UAP1: variants seen among roughly 807,000 people sequenced by gnomAD.
UAP1 encodes UDP-N-acetylhexosamine pyrophosphorylase.
A neutral mutation model predicts 58.5 loss-of-function variants in UAP1; 25 were observed. The observed-to-expected ratio is 0.43, with a 90% CI of 0.31 to 0.60. UAP1 has a LOEUF of 0.60. Among genes scored for constraint, UAP1 ranks in the 20% least tolerant of loss-of-function variants. The pLI is 0.11. For missense variants in UAP1, 575 were observed against 630.0 expected (o/e 0.91, Z 0.93); for synonymous variants, 208 against 213.0 (o/e 0.98, Z 0.21).
intron 7 of UAP1, among the ~76,000 whole-genome samples, chr1:162,589,183 T>TAA (rs1655126932): frequency 4.4e-5 from 4 of 90,784 alleles, no homozygotes; most frequent in African/African-American, 1.6e-4. Context: ...ATATTATATA[T>TAA]AATATATATT....
chr1:162,598,007 G>A (rs976272259), intron 10 of UAP1, 149 bp downstream of exon 10: 5 of 661,756 alleles, frequency 7.6e-6, no homozygotes, highest in East Asian at 5.4e-5. Flanking sequence ...TTGATTATTC[G>A]ACAGTGTATA....
intron 2 of UAP1, among the ~76,000 whole-genome samples, chr1:162,574,534 A>G (rs979582580): frequency 5.3e-5 from 8 of 152,268 alleles, no homozygotes; most frequent in African/African-American, 1.9e-4. Flanking sequence ...AGTTGCCATC[A>G]CTGACTGCGT....
rs369028695 is a variant in UAP1, at chr1:162,581,467, C to T, written c.834+8C>T. The T allele has an allele frequency of 1.9e-6, 3 of 1,611,508 alleles. No homozygotes were observed. The highest frequency in any genetic ancestry group is 2.5e-6 in the Non-Finnish European group (3 of 1,178,474). On this transcript the variant is annotated splice_region_variant and intron_variant, in intron 5 of 10. Coordinates refer to ENST00000271469, the Ensembl canonical transcript of UAP1. ...GCAGACTGTGGAGCAAAGGTAATGC[C>T]TTTCTCAACTATGGTGAGGCTTTTG...
chr1:162,589,105 A>G (rs1189055841), intron 7 of UAP1, among the ~76,000 whole-genome samples: 1 of 119,264 alleles, frequency 8.4e-6, no homozygotes, highest in Non-Finnish European at 1.6e-5. Flanking sequence ...TTAAATATAT[A>G]TATTATATAT....
chr1:162,563,540 T>C (rs1653303219), intron 1 of UAP1, among the ~76,000 whole-genome samples: 1 of 152,054 alleles, frequency 6.6e-6, no homozygotes, highest in South Asian at 2.1e-4. Context: ...AATTTTTGTA[T>C]TTTTAGTGGA....
At chr1:162,582,494 T>C (rs1252613993) in intron 5 of UAP1, among the ~76,000 whole-genome samples, 2 of 152,192 alleles carry the variant, frequency 1.3e-5, no homozygotes, top group African/African-American at 2.4e-5. Flanking sequence ...TTATAAAATA[T>C]GGCATTTTGA....
intron 2 of UAP1, among the ~76,000 whole-genome samples, chr1:162,571,884 G>A (rs1324310449): frequency 6.6e-6 from 1 of 152,204 alleles, no homozygotes; most frequent in Non-Finnish European, 1.5e-5. Context: ...TTGATACTGT[G>A]AACAATAGCT....
At chr1:162,574,421 T>C (rs1654052752) in intron 2 of UAP1, among the ~76,000 whole-genome samples, 1 of 152,182 alleles carries the variant, frequency 6.6e-6, no homozygotes, top group Non-Finnish European at 1.5e-5. Flanking sequence ...GTTGTTGACC[T>C]ACTAGTGTAT....
At chr1:162,581,584 T>C in intron 5 of UAP1, 125 bp downstream of exon 5, 1 of 1,018,208 alleles carries the variant, frequency 9.8e-7, no homozygotes, top group Non-Finnish European at 1.4e-6. Context: ...CTCTCTAAAG[T>C]AACTAAACGG....
intron 10 of UAP1, among the ~76,000 whole-genome samples, chr1:162,598,725 C>T (rs1655756077): frequency 6.6e-6 from 1 of 152,120 alleles, no homozygotes; most frequent in Non-Finnish European, 1.5e-5. Context: ...AGAAAGTTAA[C>T]TCTACTGGCC....
intron 3 of UAP1, among the ~76,000 whole-genome samples, chr1:162,577,886 A>C (rs1258379065): frequency 6.6e-6 from 1 of 151,966 alleles, no homozygotes; most frequent in Admixed American, 6.6e-5. Flanking sequence ...CTGAGATTAC[A>C]GGCATGAGCC....
chr1:162,595,624 TGC>T (rs1655575664), intron 9 of UAP1, among the ~76,000 whole-genome samples: 1 of 152,228 alleles, frequency 6.6e-6, no homozygotes, highest in Admixed American at 6.5e-5. Flanking sequence ...TTCGTAGGCC[TGC>T]TCATAGGTTT....
Position 162,576,779 on chromosome 1 carries a change from C to T in UAP1, c.283C>T (p.Leu95Phe), listed in dbSNP as rs1000157084. 3 of 1,613,248 alleles carry T rather than the reference C, an allele frequency of 1.9e-6. No homozygotes were observed. The African/African-American group carries it at 4.0e-5, about 22-fold the overall frequency. The change falls in exon 3 of 11, where the codon CTT becomes TTT. Residue 95 changes from leucine (L) to phenylalanine (F), a missense_variant and splice_region_variant. Transcript: ENST00000271469. ...GATACAAGTGTTTTCTTTTCTAGGA[C>T]TTTTCCAGATTTCTCAGAATAAAGT...
chr1:162,570,973 T>A (rs1653820829), intron 2 of UAP1, among the ~76,000 whole-genome samples: 1 of 152,158 alleles, frequency 6.6e-6, no homozygotes, highest in Non-Finnish European at 1.5e-5. Context: ...ACTGTAAACT[T>A]TTCTCTCTGT....
chr1:162,590,247 C>T (rs1655216330), intron 7 of UAP1, 76 bp from the exon 8 acceptor site: 4 of 1,210,008 alleles, frequency 3.3e-6, no homozygotes, highest in Non-Finnish European at 4.6e-6. Flanking sequence ...GAGACCAAAG[C>T]CTTAGCTATG....
chr1:162,569,346 T>C (rs1258998414), intron 2 of UAP1, among the ~76,000 whole-genome samples: 1 of 152,182 alleles, frequency 6.6e-6, no homozygotes, highest in African/African-American at 2.4e-5. Flanking sequence ...ATAATGGACA[T>C]TTTTACAACT....
At chr1:162,594,425 C>G (rs1655503625) in intron 9 of UAP1, among the ~76,000 whole-genome samples, 1 of 152,182 alleles carries the variant, frequency 6.6e-6, no homozygotes, top group Non-Finnish European at 1.5e-5. Flanking sequence ...TGAAGCTTTA[C>G]TCACTTGCCC....
chr1:162,568,875 T>C (rs1458569265), intron 2 of UAP1, among the ~76,000 whole-genome samples: 2 of 152,228 alleles, frequency 1.3e-5, no homozygotes, highest in Admixed American at 6.5e-5. Context: ...ACAATTAAGG[T>C]ATCCTATAAT....
exon 2 of UAP1, chr1:162,566,165 C>T: frequency 1.2e-6 from 2 of 1,614,070 alleles, no homozygotes; most frequent in African/African-American, 1.3e-5. Context: ...ACAGGTAGAA[C>T]TTTATGCAGA....
Sources: gnomAD v4.1 joint callset for allele counts (sites outside exome capture counted in the v4.1 genomes callset) on GRCh38, gnomAD v4.1.1 for gene constraint, MANE v1.5 for transcripts, NCBI Gene and HGNC (gene_info 2026-07-23, HGNC 2026-07-21) for gene names.